The following ZDHHC14 variants were observed in gnomAD, a reference collection of about 807,000 sequenced individuals.
ZDHHC14 encodes the protein zDHHC palmitoyltransferase 14, also known as palmitoyltransferase ZDHHC14.
ZDHHC14 carries 16 observed loss-of-function variants against 47.7 expected under a neutral mutation model. The observed-to-expected ratio is 0.34, with a 90% CI of 0.23 to 0.51. ZDHHC14 has a LOEUF of 0.51. Among genes scored for constraint, ZDHHC14 ranks in the 20% least tolerant of loss-of-function variants. The probability of loss-of-function intolerance (pLI) is 0.97; values close to 1 mark genes in which losing one functional copy is unlikely to be tolerated. For missense variants in ZDHHC14, 515 were observed against 662.5 expected (o/e 0.78, Z 2.44); for synonymous variants, 293 against 278.9 (o/e 1.05, Z -0.50).
In ZDHHC14 at chr6:157,593,102, G is replaced by A. The variant is rs1783980879; in HGVS notation, c.521G>A (p.Arg174Gln). ...LKYCFTCKIF[R>Q]PPRASHCSLC... is the part of the protein sequence containing the mutation. ...TACTGTTTCACCTGCAAGATTTTCC[G>A]GCCCCCTCGCGCCTCCCATTGCAGC... is the stretch of plus-strand genomic sequence containing the variant. Residue 174 changes from arginine (R) to glutamine (Q), a missense_variant, in exon 3 of 9, where the codon CGG (arginine) becomes CAG (glutamine). Around this residue, in one of 4 missense-constraint regions of ZDHHC14, gnomAD observed 229 missense variants for 351.5 expected, o/e 0.65. Coordinates refer to ENST00000359775, the MANE Select transcript of ZDHHC14 (RefSeq NM_024630.3). 1 of 1,614,058 alleles carries A rather than the reference G, an allele frequency of 6.2e-7. No homozygotes were observed.
At chr6:157,648,431 A>G (rs1285853910) in intron 7 of ZDHHC14, among the ~76,000 whole-genome samples, 1 of 152,052 alleles carries the variant, frequency 6.6e-6, no homozygotes, top group Non-Finnish European at 1.5e-5. Context: ...AGAGGTAAAA[A>G]GAATTCAAGA....
intron 8 of ZDHHC14, among the ~76,000 whole-genome samples, chr6:157,668,219 G>A (rs1778636441): frequency 6.6e-6 from 1 of 152,140 alleles, no homozygotes; most frequent in African/African-American, 2.4e-5. Flanking sequence ...TACTACAAAA[G>A]CAGTCCCTCT....
rs139507116 is a variant in ZDHHC14 at position 157,597,236 on chromosome 6, C to T, written c.565+4090C>T. Reference sequence around the variant, plus strand: ...CCTCATATCCCTCAAATCATTAAAGCGAGAGAAACTGAAGGAGCTGAAGAG... The same window carrying T: ...CCTCATATCCCTCAAATCATTAAAGTGAGAGAAACTGAAGGAGCTGAAGAG... On this transcript the variant is annotated intron_variant, in intron 3 of 8. Coordinates refer to ENST00000359775, the MANE Select transcript of ZDHHC14 (RefSeq NM_024630.3). 4.7e-3 allele frequency among the ~76,000 whole-genome samples: 722 copies of T among 152,278 alleles called. 4 individuals are homozygous for T. Among genetic ancestry groups the T allele is most frequent in the Admixed American group, 8.2e-3 (126 of 15,292 alleles).
chr6:157,482,139 G>A (rs1429137821), intron 1 of ZDHHC14, among the ~76,000 whole-genome samples: 1 of 152,230 alleles, frequency 6.6e-6, no homozygotes, highest in Admixed American at 6.5e-5. Flanking sequence ...TGAGAGTTGC[G>A]GTTTTCTGGG....
intron 3 of ZDHHC14, among the ~76,000 whole-genome samples, chr6:157,605,135 G>T (rs1035054800): frequency 2.0e-5 from 3 of 152,180 alleles, no homozygotes; most frequent in African/African-American, 7.2e-5. Context: ...AATAACCCAT[G>T]TGCCTTAGTT....
chr6:157,438,550 AC>A (rs1778491256), intron 1 of ZDHHC14, among the ~76,000 whole-genome samples: 1 of 151,936 alleles, frequency 6.6e-6, no homozygotes, highest in African/African-American at 2.4e-5. Context: ...CAATGCTGAA[AC>A]CCCCCTGTGA....
chr6:157,553,716 G>A (rs1191592210), intron 2 of ZDHHC14, among the ~76,000 whole-genome samples: 1 of 152,152 alleles, frequency 6.6e-6, no homozygotes, highest in African/African-American at 2.4e-5. Flanking sequence ...AAACTTACAT[G>A]TAAGGATGGG....
At chr6:157,473,512 A>C (rs903140621) in intron 1 of ZDHHC14, among the ~76,000 whole-genome samples, 1 of 152,186 alleles carries the variant, frequency 6.6e-6, no homozygotes, top group Non-Finnish European at 1.5e-5. Flanking sequence ...TTTAAGGCTG[A>C]ATAGTACAGA....
At chr6:157,591,518 G>A (rs1406516207) in intron 2 of ZDHHC14, among the ~76,000 whole-genome samples, 2 of 152,242 alleles carry the variant, frequency 1.3e-5, no homozygotes, top group East Asian at 3.9e-4. Context: ...TTTCTGTCAT[G>A]ATTATACATT....
intron 1 of ZDHHC14, among the ~76,000 whole-genome samples, chr6:157,485,926 T>C (rs1779768599): frequency 6.6e-6 from 1 of 152,254 alleles, no homozygotes; most frequent in South Asian, 2.1e-4. Context: ...GGCTGGAGAA[T>C]TGCTTGAACC....
intron 2 of ZDHHC14, among the ~76,000 whole-genome samples, chr6:157,578,043 GT>G (rs1011766338): frequency 1.4e-4 from 14 of 101,940 alleles, no homozygotes; most frequent in East Asian, 6.2e-4. Context: ...TAATGGGGTT[GT>G]TTTTTTTTCT....
intron 2 of ZDHHC14, among the ~76,000 whole-genome samples, chr6:157,543,909 C>T (rs1443414560): frequency 1.3e-5 from 2 of 152,340 alleles, no homozygotes; most frequent in African/African-American, 4.8e-5. Context: ...TTTTAAGGCT[C>T]ACATTTTGTA....
chr6:157,626,851 C>T (rs1409685461), intron 3 of ZDHHC14, among the ~76,000 whole-genome samples: 2 of 150,196 alleles, frequency 1.3e-5, no homozygotes, highest in Non-Finnish European at 3.0e-5. Flanking sequence ...CTCCCCAGCC[C>T]CAGGGAGGTT....
chr6:157,468,169 G>A (rs1439953168), intron 1 of ZDHHC14, among the ~76,000 whole-genome samples: 1 of 152,196 alleles, frequency 6.6e-6, no homozygotes, highest in African/African-American at 2.4e-5. Context: ...GGGCTGGAGA[G>A]GGGAAGACAG....
intron 1 of ZDHHC14, among the ~76,000 whole-genome samples, chr6:157,486,390 C>T (rs923417404): frequency 6.6e-6 from 1 of 152,208 alleles, no homozygotes; most frequent in African/African-American, 2.4e-5. Context: ...TGGCTGACAC[C>T]TCTTCACATA....
intron 1 of ZDHHC14, among the ~76,000 whole-genome samples, chr6:157,433,106 C>G (rs1778371422): frequency 6.6e-6 from 1 of 152,224 alleles, no homozygotes; most frequent in Non-Finnish European, 1.5e-5. Flanking sequence ...GGTCACTTTT[C>G]TTTGAGAACC....
intron 1 of ZDHHC14, among the ~76,000 whole-genome samples, chr6:157,527,057 T>G (rs1781180764): frequency 6.6e-6 from 1 of 152,156 alleles, no homozygotes; most frequent in African/African-American, 2.4e-5. Context: ...TATAATACTG[T>G]TGGGGTCCAG....
At chr6:157,512,068 G>A (rs934262709) in intron 1 of ZDHHC14, among the ~76,000 whole-genome samples, 7 of 152,172 alleles carry the variant, frequency 4.6e-5, no homozygotes, top group African/African-American at 1.7e-4. Context: ...GATAGTGACG[G>A]CACTGTCACA....
rs146973081 is a variant in ZDHHC14 at position 157,402,580 on chromosome 6, C to T, written c.245+20314C>T. 3.0e-3 allele frequency among the ~76,000 whole-genome samples: 453 copies of T among 152,330 alleles called. 15 individuals carry two copies. The East Asian group carries it at 0.056, about 19-fold the overall frequency. On this transcript the variant is annotated intron_variant, in intron 1 of 8. Coordinates refer to ENST00000359775, the MANE Select transcript of ZDHHC14 (RefSeq NM_024630.3). ...AGTGGGATATGATGGTCCCTATCATCGTGTCAACAAAATATCTCTTCAGTG... is the reference window on the plus strand; with the variant it reads ...AGTGGGATATGATGGTCCCTATCATTGTGTCAACAAAATATCTCTTCAGTG...
Sources: gnomAD v4.1 joint callset for allele counts (sites outside exome capture counted in the v4.1 genomes callset) on GRCh38, gnomAD v4.1.1 for gene constraint, gnomAD v4.1.1 regional missense constraint, MANE v1.5 for transcripts, NCBI Gene and HGNC (gene_info 2026-07-23, HGNC 2026-07-21) for gene names.